The following KLHDC4 variants were observed in gnomAD, a reference collection of about 807,000 sequenced individuals.
KLHDC4 encodes the protein kelch domain-containing protein 4.
Under a neutral mutation model 62.4 loss-of-function variants are expected in KLHDC4, and 90 were observed. That is an observed-to-expected ratio of 1.44 (90% CI 1.22 to 1.72). KLHDC4 has a LOEUF of 1.72. KLHDC4 is among the 40% of genes most tolerant of loss of function. The pLI, the probability that KLHDC4 is intolerant of heterozygous loss-of-function variation, is 0.00. For missense variants in KLHDC4, 1,025 were observed against 699.7 expected (o/e 1.47, Z -5.25); for synonymous variants, 386 against 284.4 (o/e 1.36, Z -3.59).
exon 1 of KLHDC4, chr16:87,702,228 C>G: frequency 2.2e-6 from 1 of 456,372 alleles, no homozygotes; most frequent in Non-Finnish European, 4.4e-6. Flanking sequence ...ACAGCCAACT[C>G]CTCCTCCACA....
chr16:87,749,963 C>T (rs1017469779), intron 4 of KLHDC4, among the ~76,000 whole-genome samples: 1 of 152,188 alleles, frequency 6.6e-6, no homozygotes, highest in South Asian at 2.1e-4. Flanking sequence ...CTCTGGGCCA[C>T]ACACGGCAAA....
chr16:87,704,898 C>T (rs1039921172), downstream of KLHDC4, among the ~76,000 whole-genome samples: 4 of 152,220 alleles, frequency 2.6e-5, no homozygotes, highest in African/African-American at 9.6e-5. Context: ...TCCAATTCAT[C>T]CTCACACAGA....
intron 5 of KLHDC4, among the ~76,000 whole-genome samples, chr16:87,733,535 T>G (rs1013628536): frequency 6.6e-6 from 1 of 152,080 alleles, no homozygotes; most frequent in Non-Finnish European, 1.5e-5. Flanking sequence ...TTAAGGAGGG[T>G]TGCTGGGCAC....
At chr16:87,716,185 CTT>C (rs1033794761) in intron 7 of KLHDC4, among the ~76,000 whole-genome samples, 7 of 148,088 alleles carry the variant, frequency 4.7e-5, no homozygotes, top group African/African-American at 1.7e-4. Context: ...TTGACGTAGA[CTT>C]TGGGTACACG....
intron 8 of KLHDC4, among the ~76,000 whole-genome samples, chr16:87,713,626 G>A (rs996211844): frequency 6.6e-6 from 1 of 151,860 alleles, no homozygotes; most frequent in African/African-American, 2.4e-5. Flanking sequence ...GAGAACTGAC[G>A]GGCAGCCACT....
intron 9 of KLHDC4, 186 bp from the exon 10 acceptor site, chr16:87,709,853 T>C: frequency 3.0e-6 from 2 of 667,114 alleles, no homozygotes; most frequent in Non-Finnish European, 5.0e-6. Context: ...CACGCTCCTG[T>C]CTCCCACTAG....
chr16:87,730,012 G>A (rs746364881), intron 6 of KLHDC4, among the ~76,000 whole-genome samples: 2 of 152,148 alleles, frequency 1.3e-5, no homozygotes, highest in Non-Finnish European at 2.9e-5. Context: ...GGAGTTCAGT[G>A]GCATGATCTC....
rs372311217 is a variant in KLHDC4 at position 87,709,256 on chromosome 16, C to T, written c.1447+9G>A. 93 of 1,601,854 alleles carry T rather than the reference C, an allele frequency of 5.8e-5. No individual in the cohort carries two copies. Among genetic ancestry groups the T allele is most frequent in the Non-Finnish European group, 6.7e-5 (79 of 1,173,322 alleles). Reference sequence around the variant, plus strand: ...CCCGGGCACGGAGGCACCAAGCTGCCTGGCTCACCTGGGTCCATCTCCACC... The same window carrying T: ...CCCGGGCACGGAGGCACCAAGCTGCTTGGCTCACCTGGGTCCATCTCCACC... On this transcript the variant is annotated intron_variant, in intron 10 of 11. Transcript: ENST00000270583.
At chr16:87,708,274 T>C (rs1409517113) in intron 11 of KLHDC4, 76 bp downstream of exon 11, 3 of 1,010,028 alleles carry the variant, frequency 3.0e-6, no homozygotes, top group Non-Finnish European at 4.4e-6. Flanking sequence ...TGAATTCCAA[T>C]AAGCATCCGA....
chr16:87,739,500 A>C (rs540037282), intron 5 of KLHDC4, among the ~76,000 whole-genome samples: 41 of 138,390 alleles, frequency 3.0e-4, no homozygotes, highest in African/African-American at 1.1e-3. Flanking sequence ...ATCCATCCAC[A>C]CACCAGCACC....
intron 6 of KLHDC4, among the ~76,000 whole-genome samples, chr16:87,727,724 C>G (rs541925975): frequency 1.3e-5 from 2 of 152,288 alleles, no homozygotes; most frequent in African/African-American, 4.8e-5. Context: ...GGGCTGCTCT[C>G]CAGCTACTCA....
intron 2 of KLHDC4, chr16:87,757,594 A>C (rs1189742175): frequency 6.6e-6 from 1 of 152,148 alleles, no homozygotes; most frequent in Non-Finnish European, 1.5e-5. Flanking sequence ...AGGAAATTAC[A>C]TAATAATATT....
intron 7 of KLHDC4, among the ~76,000 whole-genome samples, chr16:87,722,282 G>A (rs546381961): frequency 3.5e-4 from 54 of 152,326 alleles, no homozygotes; most frequent in African/African-American, 1.3e-3. Flanking sequence ...GCAGAGCCTG[G>A]AGGGTGTTTA....
chr16:87,730,900 T>C (rs2040231620), intron 5 of KLHDC4: 1 of 357,814 alleles, frequency 2.8e-6, no homozygotes, highest in Non-Finnish European at 5.0e-6. Context: ...AAAGATTTCC[T>C]AGGTAGAACA....
downstream of KLHDC4, among the ~76,000 whole-genome samples, chr16:87,704,415 G>A (rs1204291729): frequency 9.0e-6 from 1 of 110,644 alleles, no homozygotes; most frequent in Non-Finnish European, 1.8e-5. Context: ...GCCTGGGGAG[G>A]GTCCTGAACG....
chr16:87,755,116 AC>A, intron 4 of KLHDC4, 77 bp downstream of exon 4: 1 of 960,478 alleles, frequency 1.0e-6, no homozygotes, highest in Non-Finnish European at 1.7e-6. Flanking sequence ...GCTGCCTGTC[AC>A]CTATCAACTC....
rs2035288818 is a variant in KLHDC4 at position 87,709,251 on chromosome 16, G to A, written c.1447+14C>T. The A allele has an allele frequency of 4.4e-6, 7 of 1,599,852 alleles. No homozygotes were observed. The highest frequency in any genetic ancestry group is 2.2e-5 in the East Asian group (1 of 44,620). ...TCGCTCCCGGGCACGGAGGCACCAA[G>A]CTGCCTGGCTCACCTGGGTCCATCT... On this transcript the variant is annotated intron_variant, in intron 10 of 11. Coordinates refer to ENST00000270583, the MANE Select transcript of KLHDC4 (RefSeq NM_017566.4).
At chr16:87,722,442 C>G (rs2038570995) in intron 7 of KLHDC4, among the ~76,000 whole-genome samples, 1 of 151,260 alleles carries the variant, frequency 6.6e-6, no homozygotes, top group African/African-American at 2.4e-5. Context: ...GCACTACTGT[C>G]CACTTCATGA....
chr16:87,753,075 C>G (rs1343919200), intron 4 of KLHDC4, among the ~76,000 whole-genome samples: 4 of 152,178 alleles, frequency 2.6e-5, no homozygotes, highest in Non-Finnish European at 5.9e-5. Flanking sequence ...GGCAGGTGGT[C>G]TTGCATAGCT....
Sources: gnomAD v4.1 joint callset for allele counts (sites outside exome capture counted in the v4.1 genomes callset) on GRCh38, gnomAD v4.1.1 for gene constraint, MANE v1.5 for transcripts, NCBI Gene and HGNC (gene_info 2026-07-23, HGNC 2026-07-21) for gene names.